FOXP2: variants seen among roughly 807,000 people sequenced by gnomAD.
FOXP2 encodes forkhead box protein P2.
A neutral mutation model predicts 115.8 loss-of-function variants in FOXP2; 12 were observed. The ratio of observed to expected loss-of-function variants is 0.10; its 90% CI spans 0.07 to 0.17. FOXP2 has a LOEUF of 0.17. Ranked by LOEUF, FOXP2 falls within the 10% of genes least tolerant of loss-of-function variation. FOXP2 has a pLI of 1.00. For synonymous variants in FOXP2, 328 were observed against 297.7 expected (o/e 1.10, Z -1.05); for missense variants, 629 against 843.5 (o/e 0.75, Z 3.15).
intron 1 of FOXP2, among the ~76,000 whole-genome samples, chr7:114,145,283 C>A (rs1351398184): frequency 1.3e-5 from 2 of 152,050 alleles, no homozygotes; most frequent in African/African-American, 4.8e-5. Context: ...GATCAGTAGT[C>A]CACTGCTTTT....
chr7:114,337,579 GTATTAA>G (rs1210638373), intron 2 of FOXP2, among the ~76,000 whole-genome samples: 1 of 151,036 alleles, frequency 6.6e-6, no homozygotes, highest in East Asian at 1.9e-4. Context: ...CTCACATACA[GTATTAA>G]GTTATAAAAG....
rs577162174 is a variant in FOXP2 at position 114,312,308 on chromosome 7, A to C, written c.-11+24199A>C. Among the ~76,000 whole-genome samples the C allele has an allele frequency of 4.6e-5, 7 of 152,300 alleles. No individual in the cohort carries two copies. The South Asian group carries it at 1.0e-3, about 23-fold the overall frequency. On this transcript the variant is annotated intron_variant, in intron 2 of 17. Coordinates refer to the FOXP2 transcript ENST00000634411. ...TTTTTGCTTTTAGAAGAGTGAGGAG[A>C]AATCAGGATATCATTTGGGCAGCTT... is the stretch of plus-strand genomic sequence containing the variant.
chr7:114,118,723 C>T (rs1023862125), intron 1 of FOXP2, among the ~76,000 whole-genome samples: 3 of 152,044 alleles, frequency 2.0e-5, no homozygotes, highest in African/African-American at 7.2e-5. Context: ...ACCCCAAGAT[C>T]CATGTGTCAC....
At chr7:114,617,711 T>G (rs962210190) in intron 3 of FOXP2, among the ~76,000 whole-genome samples, 2 of 152,186 alleles carry the variant, frequency 1.3e-5, no homozygotes, top group African/African-American at 4.8e-5. Context: ...GAAAATTGCT[T>G]GAACCTGGGA....
In FOXP2 at chr7:114,689,772, T is replaced by C. The variant is rs772507868; in HGVS notation, c.2004-10T>C. The C allele has an allele frequency of 1.9e-6, 3 of 1,613,060 alleles. No individual in the cohort carries two copies. In the Admixed American group the frequency reaches 5.0e-5, roughly 27 times the overall value. The stretch of plus-strand genomic sequence containing the variant: ...TTAGTAAAATTTTGGTGTATCTACA[T>C]GTTTTTCAGACATTCAATCCACGTC... On this transcript the variant is annotated splice_polypyrimidine_tract_variant and intron_variant, in intron 16 of 16. Transcript: ENST00000350908.
intron 1 of FOXP2, among the ~76,000 whole-genome samples, chr7:114,193,361 T>C (rs1317493152): frequency 6.6e-6 from 1 of 151,978 alleles, no homozygotes; most frequent in Non-Finnish European, 1.5e-5. Flanking sequence ...TGAACAACTC[T>C]TGGTTTAGTT....
chr7:114,529,883 A>G (rs968240423), intron 2 of FOXP2, among the ~76,000 whole-genome samples: 3 of 152,060 alleles, frequency 2.0e-5, no homozygotes, highest in Middle Eastern at 3.4e-3. Context: ...ACGAATTTAT[A>G]TCCTTTCTGG....
intron 2 of FOXP2, among the ~76,000 whole-genome samples, chr7:114,465,859 T>C (rs1024621491): frequency 1.3e-5 from 2 of 152,148 alleles, no homozygotes; most frequent in Admixed American, 6.6e-5. Context: ...ACACCTTACC[T>C]GATGGCAATG....
intron 1 of FOXP2, among the ~76,000 whole-genome samples, chr7:114,202,742 A>G (rs1025119440): frequency 2.6e-5 from 4 of 152,178 alleles, no homozygotes; most frequent in Non-Finnish European, 4.4e-5. Context: ...ATATAGGGAT[A>G]TATAGTTATA....
At chr7:114,597,754 C>A (rs1442525782) in intron 3 of FOXP2, among the ~76,000 whole-genome samples, 4 of 152,138 alleles carry the variant, frequency 2.6e-5, no homozygotes, top group Non-Finnish European at 5.9e-5. Flanking sequence ...GGCTCTTTGG[C>A]AAGATATATT....
chr7:114,356,336 T>C (rs1443342809), intron 2 of FOXP2, among the ~76,000 whole-genome samples: 1 of 152,192 alleles, frequency 6.6e-6, no homozygotes, highest in Admixed American at 6.6e-5. Flanking sequence ...TTTCATGAAA[T>C]GACTAATCAT....
chr7:114,418,191 C>G (rs1174191577), intron 1 of FOXP2, among the ~76,000 whole-genome samples: 5 of 151,848 alleles, frequency 3.3e-5, no homozygotes, highest in Non-Finnish European at 7.4e-5. Context: ...CCTGTTATGT[C>G]CTAATTGGTT....
At chr7:114,508,410 G>A (rs1290095235) in intron 2 of FOXP2, among the ~76,000 whole-genome samples, 1 of 152,040 alleles carries the variant, frequency 6.6e-6, no homozygotes, top group Non-Finnish European at 1.5e-5. Context: ...GGGGACACAT[G>A]AATGAATAAA....
intron 1 of FOXP2, among the ~76,000 whole-genome samples, chr7:114,286,385 G>T (rs550761477): frequency 1.3e-5 from 2 of 151,904 alleles, no homozygotes; most frequent in Non-Finnish European, 2.9e-5. Flanking sequence ...GTTTAAAAAT[G>T]AGTTTGTGGA....
rs114868944 is a variant in FOXP2 at position 114,655,006 on chromosome 7, T to G, written c.1266+997T>G. Among the ~76,000 whole-genome samples the G allele has an allele frequency of 9.3e-3, 1,422 of 152,266 alleles. 12 individuals carry two copies. The highest frequency in any genetic ancestry group is 0.032 in the African/African-American group (1,317 of 41,562). The stretch of plus-strand genomic sequence containing the variant: ...TGCTAAGCTATTTCTGCTTTTCCTT[T>G]GTACTGTATTTAAAGGTAGAGTACT... On this transcript the variant is annotated intron_variant, in intron 10 of 16. Transcript: ENST00000350908.
At chr7:114,132,045 C>T (rs1791892616) in intron 1 of FOXP2, among the ~76,000 whole-genome samples, 2 of 151,668 alleles carry the variant, frequency 1.3e-5, no homozygotes, top group Non-Finnish European at 2.9e-5. Context: ...CTTGGAAAAG[C>T]AAAAAAACGC....
intron 1 of FOXP2, among the ~76,000 whole-genome samples, chr7:114,270,441 A>G (rs994104946): frequency 2.0e-5 from 3 of 152,168 alleles, no homozygotes; most frequent in African/African-American, 4.8e-5. Context: ...CCCACCAACA[A>G]TGAATGAAGG....
At chr7:114,097,578 C>T (rs184770515) in intron 1 of FOXP2, among the ~76,000 whole-genome samples, 30 of 152,214 alleles carry the variant, frequency 2.0e-4, no homozygotes, top group Admixed American at 1.2e-3. Flanking sequence ...TTAGCAGGTG[C>T]TTGGCTTATA....
chr7:114,619,737 TG>T (rs1326245805), intron 3 of FOXP2, among the ~76,000 whole-genome samples: 1 of 151,940 alleles, frequency 6.6e-6, no homozygotes, highest in African/African-American at 2.4e-5. Flanking sequence ...TTTGAAAGTA[TG>T]AATAAACTGG....
Sources: gnomAD v4.1 joint callset for allele counts (sites outside exome capture counted in the v4.1 genomes callset) on GRCh38, gnomAD v4.1.1 for gene constraint, MANE v1.5 for transcripts, NCBI Gene and HGNC (gene_info 2026-07-23, HGNC 2026-07-21) for gene names.